Variants in P4HA2 observed in about 807,000 individuals in gnomAD.
P4HA2 encodes prolyl 4-hydroxylase subunit alpha 2.
P4HA2 carries 46 observed loss-of-function variants against 76.9 expected under a neutral mutation model. The ratio of observed to expected loss-of-function variants is 0.60; its 90% CI spans 0.47 to 0.76. The LOEUF is 0.76. Among genes scored for constraint, P4HA2 ranks in the 30% least tolerant of loss-of-function variants. The probability of loss-of-function intolerance (pLI) is 0.00; values close to 1 mark genes in which losing one functional copy is unlikely to be tolerated. For missense variants in P4HA2, 583 were observed against 669.4 expected, an observed-to-expected ratio of 0.87 and a Z score of 1.42; for synonymous variants, 243 against 254.0, an observed-to-expected ratio of 0.96 and a Z score of 0.41.
chr5:132,206,325 T>G (rs1752211986), intron 8 of P4HA2, among the ~76,000 whole-genome samples: 1 of 152,136 alleles, frequency 6.6e-6, no homozygotes, highest in Non-Finnish European at 1.5e-5. Context: ...ATTCTCCATA[T>G]ATCTGGCTAG....
At chr5:132,222,490 C>T (rs1428881999) in intron 1 of P4HA2, among the ~76,000 whole-genome samples, 1 of 152,232 alleles carries the variant, frequency 6.6e-6, no homozygotes, top group Non-Finnish European at 1.5e-5. Flanking sequence ...CACATGTCAT[C>T]TGGCCTTCCT....
intron 4 of P4HA2, among the ~76,000 whole-genome samples, chr5:132,216,244 G>A (rs1166174641): frequency 6.6e-6 from 1 of 150,822 alleles, no homozygotes; most frequent in Non-Finnish European, 1.5e-5. Context: ...CCCACCTCCA[G>A]GCCCACCGTA....
chr5:132,218,876 A>C (rs1160998624), intron 1 of P4HA2, among the ~76,000 whole-genome samples: 50 of 152,174 alleles, frequency 3.3e-4, no homozygotes, highest in Admixed American at 3.3e-3. Flanking sequence ...CTGCGGAGAG[A>C]GCCCATCCTC....
chr5:132,213,092 C>G (rs1441974189), intron 5 of P4HA2, among the ~76,000 whole-genome samples: 1 of 152,074 alleles, frequency 6.6e-6, no homozygotes, highest in African/African-American at 2.4e-5. Context: ...GAGAAAATGA[C>G]CAGAGAGGCT....
At chr5:132,218,796 G>A (rs1474688835) in intron 1 of P4HA2, 152 bp from the exon 2 acceptor site, 3 of 571,024 alleles carry the variant, frequency 5.3e-6, no homozygotes, top group African/African-American at 3.8e-5. Flanking sequence ...ACAAACAGCA[G>A]AAAGAACAAA....
chr5:132,198,272 C>G (rs144247608), intron 12 of P4HA2, 49 bp downstream of exon 12: 21 of 1,614,092 alleles, frequency 1.3e-5, no homozygotes, highest in Non-Finnish European at 1.6e-5. Flanking sequence ...GCTCATCATT[C>G]TACAAAATTA....
intron 8 of P4HA2, 126 bp downstream of exon 8, chr5:132,207,582 G>T: frequency 2.8e-6 from 2 of 718,674 alleles, no homozygotes; most frequent in South Asian, 1.8e-5. Flanking sequence ...GTATCCCCAC[G>T]GTAGGCCCAT....
Position 132,190,763 on chromosome 5 carries a change from C to A in P4HA2, c.*2247G>T, listed in dbSNP as rs945902188. 2.0e-5 allele frequency among the ~76,000 whole-genome samples: 3 copies of A among 151,906 alleles called. No homozygotes were observed. The highest frequency in any genetic ancestry group is 2.0e-4 in the Admixed American group (3 of 15,252). On this transcript the variant is annotated 3_prime_UTR_variant, in exon 15 of 15. Coordinates refer to ENST00000360568, the MANE Select transcript of P4HA2 (RefSeq NM_001017974.2). ...AGCTCCTGTTTATCAAAAGACAGAA[C>A]TAAAATAGTGAAAAGACAAGCCACA...
chr5:132,226,111 AG>A (rs949482879), intron 1 of P4HA2, among the ~76,000 whole-genome samples: 21 of 152,216 alleles, frequency 1.4e-4, no homozygotes, highest in Admixed American at 3.9e-4. Context: ...TGGACACCTC[AG>A]GGGCAGTTTA....
At chr5:132,215,712 T>C (rs560298993) in intron 4 of P4HA2, among the ~76,000 whole-genome samples, 1 of 152,224 alleles carries the variant, frequency 6.6e-6, no homozygotes, top group South Asian at 2.1e-4. Context: ...GCACTGTGCC[T>C]ATAGTCCCAG....
chr5:132,211,924 TA>T (rs1408380414), intron 5 of P4HA2, among the ~76,000 whole-genome samples: 2 of 152,240 alleles, frequency 1.3e-5, no homozygotes, highest in East Asian at 3.8e-4. Flanking sequence ...CCCAGGATGC[TA>T]ATGACCAGTA....
At chr5:132,218,430 G>A (rs1754217931) in intron 2 of P4HA2, 115 bp downstream of exon 2, 2 of 677,480 alleles carry the variant, frequency 3.0e-6, no homozygotes, top group South Asian at 1.8e-5. Flanking sequence ...CCTCAGAACT[G>A]GCCAAAACCA....
In P4HA2 at chr5:132,209,136, A is replaced by G. The variant is rs2126586009; in HGVS notation, c.903+2T>C. 6.2e-7 allele frequency: 1 copy of G among 1,609,364 alleles called. No individual in the cohort carries two copies. On this transcript the variant is annotated splice_donor_variant, in intron 7 of 14. Transcript: ENST00000360568. LOFTEE classifies it high-confidence loss of function. Reference sequence around the variant, plus strand: ...GCACCCTAGCCCCCTCACACATCTCACCAGTTTGACACCCTCCCCACGACA... The same window carrying G: ...GCACCCTAGCCCCCTCACACATCTCGCCAGTTTGACACCCTCCCCACGACA...
In P4HA2 at chr5:132,209,697, C is replaced by G. The variant is rs150580560; in HGVS notation, c.710-366G>C. ...GGCTGAGGCAGGAAAATCTCATCAACCCGGGAGGCGGAGGTTACAGTGAGC... is the reference window on the plus strand; with the variant it reads ...GGCTGAGGCAGGAAAATCTCATCAAGCCGGGAGGCGGAGGTTACAGTGAGC... On this transcript the variant is annotated intron_variant, in intron 6 of 14. Coordinates refer to ENST00000360568, the MANE Select transcript of P4HA2 (RefSeq NM_001017974.2). 2.0e-3 allele frequency among the ~76,000 whole-genome samples: 300 copies of G among 147,484 alleles called. 3 individuals carry two copies. The highest frequency in any genetic ancestry group is 7.4e-3 in the African/African-American group (290 of 39,390).
At chr5:132,209,402 C>T in intron 6 of P4HA2, 71 bp from the exon 7 acceptor site, 1 of 1,259,922 alleles carries the variant, frequency 7.9e-7, no homozygotes, top group Non-Finnish European at 1.1e-6. Context: ...AGAAATTATT[C>T]TGTAAGGGTT....
chr5:132,190,879 T>C lies in P4HA2; in HGVS notation c.*2131A>G, dbSNP rs1050748197. Among the ~76,000 whole-genome samples the C allele has an allele frequency of 6.6e-6, 1 of 152,208 alleles. No homozygotes were observed. Among genetic ancestry groups the C allele is most frequent in the African/African-American group, 2.4e-5 (1 of 41,448 alleles). ...ACACTTGAAGAAACCTAATAACTAA[T>C]AAACATGAAAAGTTGTTCAACATTA... On this transcript the variant is annotated 3_prime_UTR_variant, in exon 15 of 15. Coordinates refer to ENST00000360568, the MANE Select transcript of P4HA2 (RefSeq NM_001017974.2).
At position 132,204,316 on chromosome 5, in the gene P4HA2, G is replaced by C. The variant is rs555639569; in HGVS notation, c.1081-164C>G. ...CCCCAAGATCCTGCAGGCCAGTTGA[G>C]GGCAAGAGTCTGAGGCCTCCACATT... On this transcript the variant is annotated intron_variant, in intron 8 of 14. Coordinates refer to ENST00000360568, the MANE Select transcript of P4HA2 (RefSeq NM_001017974.2). Among the ~76,000 whole-genome samples, 8 of 152,326 alleles carry C rather than the reference G, an allele frequency of 5.3e-5. No homozygotes were observed. In the South Asian group the frequency reaches 8.3e-4, roughly 16 times the overall value.
rs80244490 is a variant in P4HA2 at position 132,193,352 on chromosome 5, C to T, written c.1532-272G>A. ...GCATCTAATCATGCCCTTTCATGCC[C>T]ATGACCTTTGATGCCCTTTGGCTCT... On this transcript the variant is annotated intron_variant, in intron 14 of 14. Coordinates refer to ENST00000360568, the MANE Select transcript of P4HA2 (RefSeq NM_001017974.2). The T allele has an allele frequency of 9.2e-3, 2,507 of 272,628 alleles. 68 individuals carry two copies. The highest frequency in any genetic ancestry group is 0.05 in the African/African-American group (2,275 of 45,422). 16.9% of individuals were successfully genotyped at this position (272,628 alleles called of 1,614,324 possible).
chr5:132,226,404 ACT>A (rs1264585644), intron 1 of P4HA2, among the ~76,000 whole-genome samples: 6 of 152,136 alleles, frequency 3.9e-5, no homozygotes, highest in Admixed American at 1.3e-4. Flanking sequence ...CTCGGGTGTC[ACT>A]CTACAGCAAA....
Sources: allele counts gnomAD v4.1 joint callset (sites outside exome capture counted in the v4.1 genomes callset), GRCh38; gene constraint gnomAD v4.1.1; transcripts MANE v1.5; gene names NCBI Gene and HGNC (gene_info 2026-07-23, HGNC 2026-07-21).